The following RCOR1 variants were observed in gnomAD, a reference collection of about 807,000 sequenced individuals.
RCOR1 encodes REST corepressor 1.
Under a neutral mutation model 64.0 loss-of-function variants are expected in RCOR1, and 12 were observed. The observed-to-expected ratio is 0.19, with a 90% CI of 0.12 to 0.30. The LOEUF (loss-of-function observed/expected upper bound fraction) is 0.30. Among genes scored for constraint, RCOR1 ranks in the 10% least tolerant of loss-of-function variants. The pLI is 1.00. For missense variants in RCOR1, 502 were observed against 621.2 expected (o/e 0.81, Z 2.04); for synonymous variants, 279 against 227.2 (o/e 1.23, Z -2.05).
At chr14:102,690,090 C>G (rs1244156091) in intron 3 of RCOR1, among the ~76,000 whole-genome samples, 1 of 151,758 alleles carries the variant, frequency 6.6e-6, no homozygotes, top group African/African-American at 2.4e-5. Context: ...AAAAAAATTG[C>G]ATGTAACATG....
Position 102,721,358 on chromosome 14 carries a change from G to A in RCOR1, c.1170G>A (p.Glu390=), listed in dbSNP as rs1303048275. ...QKCNARWTTE[E]QLLAVQAIRK... is the part of the protein sequence containing the mutation. ...GTAATGCACGTTGGACTACAGAAGA[G>A]CAGCTTCTCGCCGTACAAGGTAGGG... Residue 390 remains glutamate (E), a synonymous_variant, in exon 10 of 12, where the codon GAG becomes GAA. Transcript: ENST00000262241. 1.9e-6 allele frequency: 3 copies of A among 1,613,592 alleles called. No individual in the cohort carries two copies. Among genetic ancestry groups the A allele is most frequent in the Non-Finnish European group, 2.5e-6 (3 of 1,179,594 alleles).
intron 10 of RCOR1, 149 bp from the exon 11 acceptor site, chr14:102,722,038 C>G (rs1458019006): frequency 1.4e-5 from 9 of 641,898 alleles, no homozygotes; most frequent in East Asian, 1.1e-4. Context: ...TTGGCTGGTA[C>G]TTTTTCCTAC....
chr14:102,649,957 T>C (rs1484920553), intron 2 of RCOR1: 1 of 171,156 alleles, frequency 5.8e-6, no homozygotes, highest in Non-Finnish European at 1.2e-5. Flanking sequence ...CCCAGCACTT[T>C]GGGAGGCCGA....
At chr14:102,643,283 C>CA (rs529112960) in intron 2 of RCOR1, 129 of 948,774 alleles carry the variant, frequency 1.4e-4, no homozygotes, top group East Asian at 3.5e-4. Flanking sequence ...GACTCCGTCT[C>CA]AAAAAAAAGA....
chr14:102,617,125 T>A (rs565259432), intron 2 of RCOR1, among the ~76,000 whole-genome samples: 25 of 152,292 alleles, frequency 1.6e-4, no homozygotes, highest in Admixed American at 1.3e-3. Context: ...AAATGTAAAG[T>A]GTAGGTTCTA....
intron 2 of RCOR1, among the ~76,000 whole-genome samples, chr14:102,609,270 C>T (rs190333827): frequency 2.0e-3 from 304 of 151,758 alleles, no homozygotes; most frequent in African/African-American, 3.3e-3. Flanking sequence ...CTTGAACTCC[C>T]GACCTCAGGT....
chr14:102,641,303 A>G (rs1894363184), intron 2 of RCOR1, among the ~76,000 whole-genome samples: 3 of 151,818 alleles, frequency 2.0e-5, no homozygotes, highest in African/African-American at 7.3e-5. Context: ...ATTCAATAAT[A>G]AATAATATTT....
chr14:102,692,471 A>G (rs1481943561), intron 3 of RCOR1, among the ~76,000 whole-genome samples: 1 of 150,262 alleles, frequency 6.7e-6, no homozygotes, highest in Non-Finnish European at 1.5e-5. Flanking sequence ...ACACACACAC[A>G]CGCTTATTTT....
In RCOR1 at chr14:102,699,049, G is replaced by A. The variant is rs546401853; in HGVS notation, c.446-2229G>A. Among the ~76,000 whole-genome samples the A allele has an allele frequency of 2.6e-5, 4 of 152,272 alleles. No homozygotes were observed. The South Asian group carries it at 6.2e-4, about 24-fold the overall frequency. On this transcript the variant is annotated intron_variant, in intron 3 of 11. Transcript: ENST00000262241. ...CTACAGGCATGCGCCACCACGCCCA[G>A]CTAATTTTTGTATTTTTAGTAGAGA... is the stretch of plus-strand genomic sequence containing the variant.
chr14:102,684,476 TGA>T (rs1379818092), intron 3 of RCOR1, among the ~76,000 whole-genome samples: 1 of 152,084 alleles, frequency 6.6e-6, no homozygotes, highest in African/African-American at 2.4e-5. Context: ...CACGGAGCAC[TGA>T]GAGTGAACAA....
chr14:102,635,094 A>G (rs565676983), intron 2 of RCOR1, among the ~76,000 whole-genome samples: 37 of 152,100 alleles, frequency 2.4e-4, no homozygotes, highest in African/African-American at 8.2e-4. Context: ...TTGGCCTCCT[A>G]AAGTGCTAGG....
At chr14:102,714,393 T>C (rs372749721) in intron 7 of RCOR1, 30 bp from the exon 8 acceptor site, 6 of 1,465,152 alleles carry the variant, frequency 4.1e-6, no homozygotes, top group Non-Finnish European at 5.5e-6. Context: ...TTTTTTTAAG[T>C]TTCATTCATC....
At chr14:102,618,078 A>AT (rs1283926107) in intron 2 of RCOR1, among the ~76,000 whole-genome samples, 12 of 146,410 alleles carry the variant, frequency 8.2e-5, no homozygotes, top group African/African-American at 3.1e-4. Flanking sequence ...GGTTCAAGTG[A>AT]TTCCCGTGCC....
At chr14:102,649,057 C>CAAAAAAAA (rs1323616591) in intron 2 of RCOR1, among the ~76,000 whole-genome samples, 2 of 128,494 alleles carry the variant, frequency 1.6e-5, no homozygotes, top group African/African-American at 2.9e-5. Context: ...ACCAAACAAG[C>CAAAAAAAA]AAAAAAAACA....
intron 2 of RCOR1, among the ~76,000 whole-genome samples, chr14:102,622,060 T>A (rs147923193): frequency 6.6e-6 from 1 of 152,220 alleles, no homozygotes; most frequent in Non-Finnish European, 1.5e-5. Context: ...AAAAGTAACA[T>A]TTTGTTTTAT....
intron 2 of RCOR1, among the ~76,000 whole-genome samples, chr14:102,611,560 G>A (rs1893636915): frequency 1.3e-5 from 2 of 152,040 alleles, no homozygotes; most frequent in Non-Finnish European, 2.9e-5. Context: ...GGATATTTTT[G>A]TATTTCTATA....
At chr14:102,639,533 ATTTATTT>A (rs975789901) in intron 2 of RCOR1, among the ~76,000 whole-genome samples, 1 of 146,272 alleles carries the variant, frequency 6.8e-6, no homozygotes, top group African/African-American at 2.5e-5. Flanking sequence ...TTATTTATTT[ATTTATTT>A]ATTTATTTAT....
chr14:102,707,246 A>T, intron 4 of RCOR1, 105 bp from the exon 5 acceptor site: 1 of 913,262 alleles, frequency 1.1e-6, no homozygotes, highest in Non-Finnish European at 1.7e-6. Context: ...TAGATGAGTT[A>T]GTTTGTCTAA....
chr14:102,719,477 C>A (rs971026004), intron 8 of RCOR1, among the ~76,000 whole-genome samples: 1 of 152,064 alleles, frequency 6.6e-6, no homozygotes, highest in Admixed American at 6.6e-5. Context: ...TCAATTCCCA[C>A]CTATGAGTGA....
Sources: gnomAD v4.1 joint callset for allele counts (sites outside exome capture counted in the v4.1 genomes callset) on GRCh38, gnomAD v4.1.1 for gene constraint, MANE v1.5 for transcripts, NCBI Gene and HGNC (gene_info 2026-07-23, HGNC 2026-07-21) for gene names.